Variants in ABLIM1 observed in about 807,000 individuals in gnomAD.
The protein encoded by ABLIM1 is actin-binding LIM protein 1.
A neutral mutation model predicts 107.0 loss-of-function variants in ABLIM1; 40 were observed. The ratio of observed to expected loss-of-function variants is 0.37; its 90% CI spans 0.29 to 0.49. The LOEUF (loss-of-function observed/expected upper bound fraction) is 0.49, where lower values mean the gene tolerates loss of function less well. ABLIM1 is among the 20% of genes least tolerant of loss of function. The pLI is 0.97. For missense variants in ABLIM1, 857 were observed against 1,008.5 expected (o/e 0.85, Z 2.04); for synonymous variants, 357 against 357.3 (o/e 1.00, Z 0.01).
chr10:114,535,467 T>C (rs1037159295), intron 6 of ABLIM1, among the ~76,000 whole-genome samples: 15 of 152,156 alleles, frequency 9.9e-5, no homozygotes, highest in African/African-American at 3.6e-4. Context: ...TAAGCCACCA[T>C]GCCCGGCTAA....
At chr10:114,477,609 A>T (rs2056666781) in intron 8 of ABLIM1, among the ~76,000 whole-genome samples, 1 of 152,352 alleles carries the variant, frequency 6.6e-6, no homozygotes, top group Non-Finnish European at 1.5e-5. Context: ...AGAGCTGAAG[A>T]ACAACGCACG....
At chr10:114,644,325 A>ATG (rs1277238451) in intron 1 of ABLIM1, among the ~76,000 whole-genome samples, 1 of 124,038 alleles carries the variant, frequency 8.1e-6, no homozygotes, top group African/African-American at 3.8e-5. Flanking sequence ...ATATATATAT[A>ATG]TATATGTGTA....
Position 114,673,125 on chromosome 10 carries a change from G to GTTTTGCATGCC in ABLIM1, c.64+11164_64+11165insGGCATGCAAAA, listed in dbSNP as rs1275144551. On this transcript the variant is annotated intron_variant, in intron 1 of 23. Coordinates refer to the ABLIM1 transcript ENST00000369256. ...ATACAAAAATTAGCCAGTCGTGGTGGTGCATGCCTGCAATCCCAGCTACTT... is the reference window on the plus strand; with the variant it reads ...ATACAAAAATTAGCCAGTCGTGGTGGTTTTGCATGCCTGCATGCCTGCAATCCCAGCTACTT... Among the ~76,000 whole-genome samples, 86 of 152,092 alleles carry GTTTTGCATGCC rather than the reference G, an allele frequency of 5.7e-4. 1 individual carries two copies. The highest frequency in any genetic ancestry group is 2.2e-3 in the Admixed American group (34 of 15,280).
intron 1 of ABLIM1, among the ~76,000 whole-genome samples, chr10:114,756,547 T>C (rs73373756): frequency 0.032 from 4,874 of 152,286 alleles, 257 homozygotes; most frequent in African/African-American, 0.11. Flanking sequence ...GAGCCTAGTA[T>C]GTCTCTCCAA....
In ABLIM1 at chr10:114,437,969, T is replaced by C. The variant is rs773044810; in HGVS notation, c.2143-45A>G. ...CTCTTCTAGAACACCACAGTCCATT[T>C]TATTAACAAGCAGAATCCACCTAAA... On this transcript the variant is annotated intron_variant, in intron 21 of 22. Transcript: ENST00000533213. 30 of 1,557,708 alleles carry C rather than the reference T, an allele frequency of 1.9e-5. 1 individual carries two copies. The South Asian group carries it at 3.2e-4, about 17-fold the overall frequency.
chr10:114,726,179 T>TTTGTTG (rs1555229003), intron 1 of ABLIM1, among the ~76,000 whole-genome samples: 1 of 151,770 alleles, frequency 6.6e-6, no homozygotes, highest in African/African-American at 2.4e-5. Context: ...GGTTTAGAAA[T>TTTGTTG]TTGTTGTTGT....
intron 1 of ABLIM1, among the ~76,000 whole-genome samples, chr10:114,609,347 C>T (rs553055484): frequency 2.0e-5 from 3 of 152,320 alleles, no homozygotes; most frequent in African/African-American, 7.2e-5. Context: ...TCTCTTCTCC[C>T]CATCTGTCTA....
At chr10:114,562,390 G>A (rs998458820) in intron 4 of ABLIM1, among the ~76,000 whole-genome samples, 2 of 152,092 alleles carry the variant, frequency 1.3e-5, no homozygotes, top group African/African-American at 2.4e-5. Flanking sequence ...TTAGCCGGGC[G>A]TGGTGGCGGG....
intron 8 of ABLIM1, among the ~76,000 whole-genome samples, chr10:114,480,415 T>C (rs967750145): frequency 3.3e-5 from 5 of 152,228 alleles, no homozygotes; most frequent in African/African-American, 1.2e-4. Context: ...AGCAAGGACT[T>C]ATGGCTAACA....
chr10:114,575,647 G>A (rs2072423510), intron 2 of ABLIM1, 48 bp from the exon 3 acceptor site: 1 of 1,573,790 alleles, frequency 6.4e-7, no homozygotes, highest in South Asian at 1.2e-5. Context: ...CACACTGCCG[G>A]GCAGCACTGC....
At chr10:114,506,056 C>T (rs764533745) in intron 6 of ABLIM1, among the ~76,000 whole-genome samples, 8 of 152,178 alleles carry the variant, frequency 5.3e-5, no homozygotes, top group Non-Finnish European at 8.8e-5. Context: ...TCTACTGTTC[C>T]CACCTTTGTG....
At chr10:114,743,700 A>G (rs2082329566) in intron 1 of ABLIM1, among the ~76,000 whole-genome samples, 1 of 152,212 alleles carries the variant, frequency 6.6e-6, no homozygotes. Context: ...AGTTGTGTTA[A>G]AGATCCAGCC....
intron 1 of ABLIM1, among the ~76,000 whole-genome samples, chr10:114,760,342 C>G (rs1355496560): frequency 1.3e-5 from 2 of 151,030 alleles, no homozygotes; most frequent in Non-Finnish European, 2.9e-5. Flanking sequence ...CCTTTTATAT[C>G]TAACATAAAT....
upstream of ABLIM1, among the ~76,000 whole-genome samples, chr10:114,772,607 A>C (rs2083037434): frequency 6.6e-6 from 1 of 152,114 alleles, no homozygotes; most frequent in Non-Finnish European, 1.5e-5. Context: ...ACCCTGTCTC[A>C]AAAAAACACA....
the ABLIM1 span, among the ~76,000 whole-genome samples, chr10:114,795,813 T>C: frequency 6.6e-6 from 1 of 152,126 alleles, no homozygotes; most frequent in Non-Finnish European, 1.5e-5. Context: ...CAAAAAGATA[T>C]AAGCCTGCCT....
Position 114,636,211 on chromosome 10 carries a change from A to G in ABLIM1, c.244+21746T>C, listed in dbSNP as rs145445295. 4.7e-3 allele frequency among the ~76,000 whole-genome samples: 722 copies of G among 152,268 alleles called. 2 individuals are homozygous for G. The highest frequency in any genetic ancestry group is 7.3e-3 in the Non-Finnish European group (499 of 68,026). ...ACGGGTCAAGTGCAGAAAGAGGGAA[A>G]GTCATTCCAAGTGGAGGTAATAGGG... On this transcript the variant is annotated intron_variant, in intron 1 of 22. Coordinates refer to ENST00000533213, the MANE Select transcript of ABLIM1 (RefSeq NM_002313.7).
At chr10:114,740,399 A>C (rs1265480346) in intron 1 of ABLIM1, among the ~76,000 whole-genome samples, 1 of 147,736 alleles carries the variant, frequency 6.8e-6, no homozygotes. Flanking sequence ...CTCTTCGGGA[A>C]TTTTTTTTTT....
At chr10:114,603,334 T>C (rs2076169439) in intron 1 of ABLIM1, among the ~76,000 whole-genome samples, 1 of 152,198 alleles carries the variant, frequency 6.6e-6, no homozygotes, top group Non-Finnish European at 1.5e-5. Context: ...CATTACTAGC[T>C]AACTTCTGAG....
At chr10:114,613,502 G>T (rs762570512) in intron 1 of ABLIM1, among the ~76,000 whole-genome samples, 29 of 152,146 alleles carry the variant, frequency 1.9e-4, no homozygotes, top group Non-Finnish European at 3.2e-4. Context: ...AACATTTACC[G>T]GCACACCATT....
Sources: allele counts gnomAD v4.1 joint callset (sites outside exome capture counted in the v4.1 genomes callset), GRCh38; gene constraint gnomAD v4.1.1; transcripts MANE v1.5; gene names NCBI Gene and HGNC (gene_info 2026-07-23, HGNC 2026-07-21).